Variants in LHFPL2 observed in about 807,000 individuals in gnomAD.
LHFPL2 encodes the protein LHFPL tetraspan subfamily member 2, also known as LHFPL tetraspan subfamily member 2 protein.
In LHFPL2, 7 loss-of-function variants were observed where a neutral mutation model predicts 17.5. The observed-to-expected ratio is 0.40, with a 90% CI of 0.23 to 0.75. The LOEUF (loss-of-function observed/expected upper bound fraction) is 0.75, where lower values mean the gene tolerates loss of function less well. LHFPL2 is among the 30% of genes least tolerant of loss of function. The pLI, the probability that LHFPL2 is intolerant of heterozygous loss-of-function variation, is 0.37. For synonymous variants in LHFPL2, 134 were observed against 116.2 expected, an observed-to-expected ratio of 1.15 and a Z score of -0.99; for missense variants, 241 against 294.8, an observed-to-expected ratio of 0.82 and a Z score of 1.34.
Position 78,534,833 on chromosome 5 carries a change from C to A in LHFPL2, c.-185-24435G>T, listed in dbSNP as rs552208418. ...TGCCGTCCTGGCAAAACTCCCCGGA[C>A]CTGCCAACATGTGTGGGAGCGGGTA... On this transcript the variant is annotated intron_variant, in intron 3 of 4. Transcript: ENST00000380345. Among the ~76,000 whole-genome samples, 71 of 152,204 alleles carry A rather than the reference C, an allele frequency of 4.7e-4. 1 individual carries two copies. Among genetic ancestry groups the A allele is most frequent in the Middle Eastern group, 3.2e-3 (1 of 316 alleles).
intron 3 of LHFPL2, among the ~76,000 whole-genome samples, chr5:78,527,506 T>C (rs1755655776): frequency 6.6e-6 from 1 of 151,938 alleles, no homozygotes; most frequent in African/African-American, 2.4e-5. Flanking sequence ...CAGAATGACT[T>C]TTAACTCAAA....
rs1290185696 is a variant in LHFPL2 at position 78,523,277 on chromosome 5, G to A, written c.-185-12879C>T. 4.6e-5 allele frequency among the ~76,000 whole-genome samples: 7 copies of A among 152,144 alleles called. No individual in the cohort carries two copies. In the East Asian group the frequency reaches 7.7e-4, roughly 17 times the overall value. On this transcript the variant is annotated intron_variant, in intron 3 of 4. Coordinates refer to ENST00000380345, the MANE Select transcript of LHFPL2 (RefSeq NM_005779.3). ...TTCTCACAGCCCCTCGTACCCATTCGAATTCACTTTTTAACTCACAGGATT... is the reference window on the plus strand; with the variant it reads ...TTCTCACAGCCCCTCGTACCCATTCAAATTCACTTTTTAACTCACAGGATT...
chr5:78,625,204 C>CGT (rs1249157085), intron 2 of LHFPL2: 2 of 120,776 alleles, frequency 1.7e-5, no homozygotes, highest in Non-Finnish European at 3.3e-5. Context: ...GCATTCTATA[C>CGT]GTACACACAC....
At chr5:78,512,765 T>C (rs1170662370) in intron 3 of LHFPL2, among the ~76,000 whole-genome samples, 1 of 132,218 alleles carries the variant, frequency 7.6e-6, no homozygotes, top group Non-Finnish European at 1.6e-5. Context: ...AATTTTTCTT[T>C]TCTTTTTTTT....
At chr5:78,514,533 G>A (rs933218120) in intron 3 of LHFPL2, among the ~76,000 whole-genome samples, 9 of 152,150 alleles carry the variant, frequency 5.9e-5, no homozygotes, top group African/African-American at 2.2e-4. Context: ...AGCTGAGCCG[G>A]GGTTTGTCAC....
At chr5:78,517,275 T>A (rs1561317377) in intron 3 of LHFPL2, among the ~76,000 whole-genome samples, 2 of 152,184 alleles carry the variant, frequency 1.3e-5, no homozygotes, top group Non-Finnish European at 2.9e-5. Context: ...CCCACTGAGC[T>A]CTTTTGACCC....
intron 2 of LHFPL2, among the ~76,000 whole-genome samples, chr5:78,584,679 C>G (rs1743297750): frequency 6.6e-6 from 1 of 152,206 alleles, no homozygotes; most frequent in African/African-American, 2.4e-5. Context: ...AACCACTGCT[C>G]TCTTCAAAGC....
At chr5:78,611,103 T>C (rs148814964) in intron 2 of LHFPL2, among the ~76,000 whole-genome samples, 120 of 152,322 alleles carry the variant, frequency 7.9e-4, no homozygotes, top group African/African-American at 2.7e-3. Context: ...TCTAAGACAA[T>C]TTTGTTTGGT....
chr5:78,590,745 T>C (rs1171391219), intron 2 of LHFPL2, among the ~76,000 whole-genome samples: 2 of 152,202 alleles, frequency 1.3e-5, no homozygotes, highest in Non-Finnish European at 2.9e-5. Flanking sequence ...AGTTGTATCA[T>C]CCATGCTGGA....
At chr5:78,603,260 G>A (rs1020323868) in intron 2 of LHFPL2, among the ~76,000 whole-genome samples, 6 of 152,158 alleles carry the variant, frequency 3.9e-5, no homozygotes, top group African/African-American at 1.4e-4. Context: ...AACTGACTTG[G>A]ATGTCACAAC....
intron 1 of LHFPL2, among the ~76,000 whole-genome samples, chr5:78,635,929 T>C (rs1561375929): frequency 6.6e-6 from 1 of 152,244 alleles, no homozygotes; most frequent in Non-Finnish European, 1.5e-5. Flanking sequence ...ACAACTAGTA[T>C]GTGAAATGGC....
intron 3 of LHFPL2, among the ~76,000 whole-genome samples, chr5:78,517,971 G>C (rs1343308036): frequency 6.6e-6 from 1 of 152,136 alleles, no homozygotes; most frequent in Non-Finnish European, 1.5e-5. Context: ...GTGTCTGTCC[G>C]ACAGGCAGGA....
At chr5:78,526,403 C>T (rs1324198194) in intron 3 of LHFPL2, among the ~76,000 whole-genome samples, 1 of 152,154 alleles carries the variant, frequency 6.6e-6, no homozygotes, top group Non-Finnish European at 1.5e-5. Context: ...AAAACACCTC[C>T]TAATTAGCCA....
chr5:78,645,881 C>T (rs1745858789), intron 1 of LHFPL2, among the ~76,000 whole-genome samples: 1 of 152,144 alleles, frequency 6.6e-6, no homozygotes, highest in East Asian at 1.9e-4. Flanking sequence ...GTGGGCCCAG[C>T]CCCCAAGGCA....
chr5:78,600,101 T>TC (rs933266026), intron 2 of LHFPL2, among the ~76,000 whole-genome samples: 40 of 152,220 alleles, frequency 2.6e-4, no homozygotes, highest in African/African-American at 9.6e-4. Flanking sequence ...TGGTGAAAAT[T>TC]ATTTTGAAAG....
At chr5:78,586,304 A>C (rs1743396613) in intron 2 of LHFPL2, among the ~76,000 whole-genome samples, 1 of 152,242 alleles carries the variant, frequency 6.6e-6, no homozygotes, top group South Asian at 2.1e-4. Flanking sequence ...CACAGTGATC[A>C]AACAGGACAC....
At chr5:78,613,803 G>C (rs763767077) in intron 2 of LHFPL2, among the ~76,000 whole-genome samples, 5 of 152,122 alleles carry the variant, frequency 3.3e-5, no homozygotes, top group Non-Finnish European at 5.9e-5. Context: ...CCACTTACTT[G>C]GTTGTATGAT....
Position 78,488,996 on chromosome 5 carries a change from G to T in LHFPL2, c.588C>A (p.Phe196Leu). ...CTTGTGCAGAGAAGACAGCACAGAT[G>T]AAAGTGAGGACTGTGCCCCCAATGG... ...YTAIGGTVLT[F>L]ICAVFSAQAE... Residue 196 changes from phenylalanine (F) to leucine (L), a missense_variant, in exon 5 of 5, where the codon TTC (phenylalanine) becomes TTA (leucine). Coordinates refer to ENST00000380345, the MANE Select transcript of LHFPL2 (RefSeq NM_005779.3). The T allele has an allele frequency of 6.2e-7, 1 of 1,614,226 alleles. No individual in the cohort carries two copies. Among genetic ancestry groups the T allele is most frequent in the Non-Finnish European group, 8.5e-7 (1 of 1,180,034 alleles).
chr5:78,622,531 C>A (rs1451132702), intron 2 of LHFPL2, among the ~76,000 whole-genome samples: 1 of 152,184 alleles, frequency 6.6e-6, no homozygotes, highest in African/African-American at 2.4e-5. Context: ...GACCCTGAGC[C>A]TGCCTGACTC....
Sources: gnomAD v4.1 joint callset for allele counts (sites outside exome capture counted in the v4.1 genomes callset) on GRCh38, gnomAD v4.1.1 for gene constraint, MANE v1.5 for transcripts, NCBI Gene and HGNC (gene_info 2026-07-23, HGNC 2026-07-21) for gene names.